The following CECR2 variants were observed in gnomAD, a reference collection of about 807,000 sequenced individuals.
CECR2 encodes CECR2 histone acetyl-lysine reader.
CECR2 carries 30 observed loss-of-function variants against 154.5 expected under a neutral mutation model. The observed-to-expected ratio is 0.19, with a 90% CI of 0.15 to 0.26. CECR2 has a LOEUF of 0.26. CECR2 is among the 10% of genes least tolerant of loss of function. CECR2 has a pLI of 1.00. For synonymous variants in CECR2, 725 were observed against 683.7 expected, an observed-to-expected ratio of 1.06 and a Z score of -0.94; for missense variants, 1,743 against 1,829.3, an observed-to-expected ratio of 0.95 and a Z score of 0.86.
In CECR2 at chr22:17,500,179, C is replaced by G. The variant is rs964878006; in HGVS notation, c.546-452C>G. On this transcript the variant is annotated intron_variant, in intron 4 of 18. Coordinates refer to ENST00000262608, the MANE Select transcript of CECR2 (RefSeq NM_001290047.2). The stretch of plus-strand genomic sequence containing the variant: ...TGAGCCGAGATCGCACCACTGCACT[C>G]CAGCCTGGGCGACAGAGCGAGACTC... Among the ~76,000 whole-genome samples, 3 of 147,902 alleles carry G rather than the reference C, an allele frequency of 2.0e-5. No individual in the cohort carries two copies. In the Admixed American group the frequency reaches 2.1e-4, roughly 10 times the overall value.
chr22:17,465,541 G>A (rs140588532), intron 1 of CECR2, among the ~76,000 whole-genome samples: 1 of 152,162 alleles, frequency 6.6e-6, no homozygotes, highest in African/African-American at 2.4e-5. Context: ...CTGGAATGCA[G>A]TAGTGCATTC....
upstream of CECR2, among the ~76,000 whole-genome samples, chr22:17,366,881 A>G (rs904562816): frequency 1.4e-4 from 22 of 152,192 alleles, no homozygotes; most frequent in African/African-American, 4.8e-4. Flanking sequence ...GATCCGTTCC[A>G]GAGGGTAGTT....
At chr22:17,533,699 T>TG (rs1172130958) in intron 9 of CECR2, among the ~76,000 whole-genome samples, 2 of 140,656 alleles carry the variant, frequency 1.4e-5, no homozygotes, top group Non-Finnish European at 3.2e-5. Flanking sequence ...AAAGGGCCTT[T>TG]TTTTGTTTGT....
chr22:17,542,804 G>T lies in CECR2; in HGVS notation c.2661G>T (p.Ala887=). 1 of 1,613,906 alleles carries T rather than the reference G, an allele frequency of 6.2e-7. No homozygotes were observed. The highest frequency in any genetic ancestry group is 1.7e-5 in the Admixed American group (1 of 60,010). Residue 887 remains alanine, a synonymous_variant, in exon 16 of 19, where the codon GCG becomes GCT. Transcript: ENST00000262608. ...TGATGGACAGCCCAGAGATGATTGC[G>T]ATGCAGCAGCTCTCCTCCCGCGTCT... The part of the protein sequence containing the change: ...DSMMDSPEMI[A]MQQLSSRVCP...
intron 1 of CECR2, among the ~76,000 whole-genome samples, chr22:17,473,677 A>G (rs57762122): frequency 0.12 from 17,964 of 152,280 alleles, 1,288 homozygotes; most frequent in East Asian, 0.4. Context: ...TCATTTAATC[A>G]TTACAACCCT....
intron 1 of CECR2, chr22:17,476,978 A>C: frequency 1.8e-6 from 1 of 566,192 alleles, no homozygotes; most frequent in Non-Finnish European, 3.2e-6. Flanking sequence ...AGACATTCAC[A>C]GAGACGTTAC....
At chr22:17,530,648 G>T (rs999773739) in intron 9 of CECR2, among the ~76,000 whole-genome samples, 1 of 151,756 alleles carries the variant, frequency 6.6e-6, no homozygotes, top group African/African-American at 2.4e-5. Flanking sequence ...CTGCATTCCA[G>T]CCTGGGCAAC....
intron 7 of CECR2, among the ~76,000 whole-genome samples, chr22:17,508,601 A>G (rs1231922840): frequency 6.6e-6 from 1 of 152,084 alleles, no homozygotes. Context: ...GTAATAGGCT[A>G]TACCCCATAA....
intron 8 of CECR2, 140 bp downstream of exon 8, chr22:17,512,036 T>A: frequency 1.5e-6 from 1 of 648,846 alleles, no homozygotes; most frequent in South Asian, 2.3e-5. Context: ...ATCTTATGCT[T>A]AAGATACATT....
rs9618045 is a variant in CECR2, at chr22:17,544,537, G to A, written c.2860+1534G>A. 4.5e-3 allele frequency among the ~76,000 whole-genome samples: 669 copies of A among 147,644 alleles called. 6 individuals are homozygous for A. Among genetic ancestry groups the A allele is most frequent in the African/African-American group, 0.015 (605 of 40,204 alleles). The stretch of plus-strand genomic sequence containing the variant: ...AAAAAAGTTAAAAAATTAGCCAGGC[G>A]TGGTGGCTCATGCCTGTAATTCCAG... On this transcript the variant is annotated intron_variant, in intron 16 of 18. Coordinates refer to ENST00000262608, the MANE Select transcript of CECR2 (RefSeq NM_001290047.2).
chr22:17,423,250 C>CA (rs2054283472), intron 1 of CECR2, among the ~76,000 whole-genome samples: 1 of 152,092 alleles, frequency 6.6e-6, no homozygotes, highest in Non-Finnish European at 1.5e-5. Context: ...TGTTATCCCC[C>CA]CACCCTTCAT....
chr22:17,472,916 G>C (rs991359952), intron 1 of CECR2, among the ~76,000 whole-genome samples: 8 of 152,132 alleles, frequency 5.3e-5, no homozygotes, highest in African/African-American at 1.9e-4. Context: ...AGTGCAGAAT[G>C]GTAAACTGCT....
chr22:17,460,522 C>A lies in CECR2; in HGVS notation c.127-17066C>A, dbSNP rs181302105. Among the ~76,000 whole-genome samples the A allele has an allele frequency of 1.6e-4, 24 of 152,284 alleles. No individual in the cohort carries two copies. The East Asian group carries it at 3.5e-3, about 22-fold the overall frequency. On this transcript the variant is annotated intron_variant, in intron 1 of 18. Transcript: ENST00000262608. ...ACCGCGCCCAGCCTCGATTTGGATT[C>A]TTTAGAGGGATTGAAGGTTATTCAC...
chr22:17,422,543 A>G (rs1294701765), intron 1 of CECR2, among the ~76,000 whole-genome samples: 1 of 151,966 alleles, frequency 6.6e-6, no homozygotes, highest in African/African-American at 2.4e-5. Flanking sequence ...ACTTCCTTAG[A>G]TCTGTGGTTT....
At chr22:17,546,804 T>C in intron 16 of CECR2, among the ~76,000 whole-genome samples, 1 of 151,856 alleles carries the variant, frequency 6.6e-6, no homozygotes, top group East Asian at 1.9e-4. Flanking sequence ...TTTGGGAGGC[T>C]GAGGCGGGTG....
intron 1 of CECR2, among the ~76,000 whole-genome samples, chr22:17,452,053 G>A (rs1475528223): frequency 2.0e-5 from 3 of 152,094 alleles, no homozygotes; most frequent in South Asian, 2.1e-4. Context: ...TCCAAGCTAT[G>A]ATAGAAGTTT....
At chr22:17,497,292 T>A in intron 2 of CECR2, 111 bp from the exon 3 acceptor site, 1 of 1,166,912 alleles carries the variant, frequency 8.6e-7, no homozygotes, top group Non-Finnish European at 1.2e-6. Flanking sequence ...CCTGTCTGTA[T>A]AAAAACAAAA....
At chr22:17,377,971 T>A (rs967617720) in intron 1 of CECR2, among the ~76,000 whole-genome samples, 3 of 152,182 alleles carry the variant, frequency 2.0e-5, no homozygotes, top group Admixed American at 6.6e-5. Flanking sequence ...AGGAATGTTA[T>A]ATGCGTTTTG....
At chr22:17,360,460 T>C (rs1402649254) in intron 1 of CECR2, among the ~76,000 whole-genome samples, 1 of 151,950 alleles carries the variant, frequency 6.6e-6, no homozygotes, top group Admixed American at 6.6e-5. Context: ...GGCCGGCAGA[T>C]CAGTTCAGGT....
Sources: gnomAD v4.1 joint callset for allele counts (sites outside exome capture counted in the v4.1 genomes callset) on GRCh38, gnomAD v4.1.1 for gene constraint, MANE v1.5 for transcripts, NCBI Gene and HGNC (gene_info 2026-07-23, HGNC 2026-07-21) for gene names.